MEI4: variants seen among roughly 807,000 people sequenced by gnomAD.
MEI4 encodes meiosis-specific protein MEI4.
In MEI4, 27 loss-of-function variants were observed where a neutral mutation model predicts 31.4. The observed-to-expected ratio is 0.86, with a 90% CI of 0.63 to 1.19. MEI4 has a LOEUF of 1.19. MEI4 is among the 50% of genes most tolerant of loss of function. The pLI is 0.00. For missense variants in MEI4, 329 were observed against 398.9 expected, an observed-to-expected ratio of 0.82 and a Z score of 1.49; for synonymous variants, 122 against 145.4, an observed-to-expected ratio of 0.84 and a Z score of 1.16.
chr6:77,803,769 G>C (rs1311196441), intron 3 of MEI4, among the ~76,000 whole-genome samples: 3 of 152,124 alleles, frequency 2.0e-5, no homozygotes, highest in African/African-American at 4.8e-5. Context: ...TATCAGCAGC[G>C]GAGTCTGCAG....
chr6:77,733,538 C>G (rs1184276154), intron 2 of MEI4, among the ~76,000 whole-genome samples: 1 of 151,862 alleles, frequency 6.6e-6, no homozygotes, highest in African/African-American at 2.4e-5. Context: ...ATTAGTCTTG[C>G]TAGCGGTTTA....
intron 3 of MEI4, among the ~76,000 whole-genome samples, chr6:77,783,639 G>C (rs952230312): frequency 7.3e-5 from 11 of 151,486 alleles, no homozygotes; most frequent in African/African-American, 2.7e-4. Context: ...AAAGTAAGAA[G>C]CCTCTTTTTT....
At chr6:77,792,783 G>A (rs2127696781) in intron 3 of MEI4, among the ~76,000 whole-genome samples, 1 of 151,722 alleles carries the variant, frequency 6.6e-6, no homozygotes, top group South Asian at 2.1e-4. Context: ...CGTGATCTCA[G>A]CTCACTGCAA....
At chr6:77,907,156 C>CT (rs1379251543) in intron 4 of MEI4, among the ~76,000 whole-genome samples, 1 of 151,678 alleles carries the variant, frequency 6.6e-6, no homozygotes, top group Non-Finnish European at 1.5e-5. Context: ...TTTAAATATA[C>CT]TTTGAGTTTT....
intron 3 of MEI4, among the ~76,000 whole-genome samples, chr6:77,792,717 ATTTTTT>A (rs1202853502): frequency 7.1e-6 from 1 of 140,580 alleles, no homozygotes; most frequent in Non-Finnish European, 1.6e-5. Flanking sequence ...TCCCAACACT[ATTTTTT>A]TTTTTTTTAG....
chr6:77,731,641 C>G (rs1472640041), intron 2 of MEI4, among the ~76,000 whole-genome samples: 1 of 151,210 alleles, frequency 6.6e-6, no homozygotes, highest in Non-Finnish European at 1.5e-5. Flanking sequence ...AATTAGATCC[C>G]ATTTGTCAAT....
intron 4 of MEI4, among the ~76,000 whole-genome samples, chr6:77,874,783 A>G (rs943620615): frequency 5.3e-5 from 8 of 152,154 alleles, no homozygotes; most frequent in Non-Finnish European, 8.8e-5. Flanking sequence ...ATGTCCCATC[A>G]GTACCTAATT....
At chr6:77,800,409 G>C (rs1420864510) in intron 3 of MEI4, among the ~76,000 whole-genome samples, 1 of 152,130 alleles carries the variant, frequency 6.6e-6, no homozygotes, top group Admixed American at 6.5e-5. Flanking sequence ...AGACAATGGG[G>C]TTTTCTAGAT....
At chr6:77,727,129 G>A (rs1334955127) in intron 2 of MEI4, among the ~76,000 whole-genome samples, 3 of 152,264 alleles carry the variant, frequency 2.0e-5, no homozygotes, top group Admixed American at 1.3e-4. Context: ...TCAGATGTGA[G>A]TGGTGATTCT....
intron 2 of MEI4, among the ~76,000 whole-genome samples, chr6:77,748,491 C>T (rs9361274): frequency 0.14 from 20,966 of 152,186 alleles, 1,539 homozygotes; most frequent in Middle Eastern, 0.21. Context: ...GGCACCAAGT[C>T]CCTAGGCTGC....
chr6:77,804,235 A>T (rs935890377), intron 3 of MEI4, among the ~76,000 whole-genome samples: 1 of 152,068 alleles, frequency 6.6e-6, no homozygotes, highest in African/African-American at 2.4e-5. Flanking sequence ...TGTGCTAGCA[A>T]TGAGCAAGAC....
Position 77,828,937 on chromosome 6 carries a change from G to A in MEI4, c.775G>A (p.Val259Met), listed in dbSNP as rs143913103. ...LGNNHINQFQ[V>M]QHYVSQSLVT... ...TACTCATTTTTATCTTTAGTTTCAGGTGCAGCATTATGTCTCTCAGAGTCT... is the reference window on the plus strand; with the variant it reads ...TACTCATTTTTATCTTTAGTTTCAGATGCAGCATTATGTCTCTCAGAGTCT... The change falls in exon 4 of 5, where the codon GTG becomes ATG. Residue 259 changes from valine (V) to methionine (M), a missense_variant. Physicochemically the swap from Val to Met is conservative, Grantham distance 21. Transcript: ENST00000684080. 4.9e-6 allele frequency: 6 copies of A among 1,232,178 alleles called. No homozygotes were observed. In the East Asian group the frequency reaches 9.5e-5, roughly 19 times the overall value. The allele number at this position is 1,232,178 out of a possible 1,614,324, so 76.3% of individuals were successfully genotyped here.
intron 2 of MEI4, among the ~76,000 whole-genome samples, chr6:77,760,311 G>T (rs1384104625): frequency 6.6e-6 from 1 of 151,788 alleles, no homozygotes; most frequent in African/African-American, 2.4e-5. Flanking sequence ...TTGTATATCA[G>T]ATATTTTATG....
intron 4 of MEI4, among the ~76,000 whole-genome samples, chr6:77,860,488 T>A (rs1353024197): frequency 6.6e-6 from 1 of 152,166 alleles, no homozygotes; most frequent in Non-Finnish European, 1.5e-5. Context: ...TATAAAATGA[T>A]TTTATTTCAT....
At chr6:77,775,662 T>G (rs2127688159) in intron 3 of MEI4, among the ~76,000 whole-genome samples, 1 of 152,254 alleles carries the variant, frequency 6.6e-6, no homozygotes, top group South Asian at 2.1e-4. Flanking sequence ...TGTAAGTATT[T>G]TTTGTGTATG....
intron 4 of MEI4, among the ~76,000 whole-genome samples, chr6:77,836,227 G>A (rs1487379184): frequency 6.6e-6 from 1 of 151,964 alleles, no homozygotes; most frequent in Non-Finnish European, 1.5e-5. Context: ...GTTTTTCTCC[G>A]AGATGCAGTT....
At chr6:77,860,642 A>G (rs1386154424) in intron 4 of MEI4, among the ~76,000 whole-genome samples, 2 of 152,094 alleles carry the variant, frequency 1.3e-5, no homozygotes, top group East Asian at 3.9e-4. Flanking sequence ...ATGTCTCCCT[A>G]GCCATATTAA....
At chr6:77,734,832 T>G (rs12011004) in intron 2 of MEI4, among the ~76,000 whole-genome samples, 42,137 of 151,658 alleles carry the variant, frequency 0.28, 6,734 homozygotes, top group South Asian at 0.38. Flanking sequence ...CAGGCCTGGT[T>G]GTGACAAAAT....
chr6:77,739,705 C>T (rs1468744575), intron 2 of MEI4, among the ~76,000 whole-genome samples: 1 of 151,824 alleles, frequency 6.6e-6, no homozygotes, highest in Non-Finnish European at 1.5e-5. Flanking sequence ...GCACGTTCTG[C>T]ACATGTATCC....
Sources: allele counts gnomAD v4.1 joint callset (sites outside exome capture counted in the v4.1 genomes callset), GRCh38; gene constraint gnomAD v4.1.1; transcripts MANE v1.5; gene names NCBI Gene and HGNC (gene_info 2026-07-23, HGNC 2026-07-21).